RBPJ: variants seen among roughly 807,000 people sequenced by gnomAD.
RBPJ encodes the protein recombination signal binding protein for immunoglobulin kappa J region.
Under a neutral mutation model 67.8 loss-of-function variants are expected in RBPJ, and 9 were observed. The ratio of observed to expected loss-of-function variants is 0.13; its 90% confidence interval spans 0.08 to 0.23. RBPJ has a LOEUF of 0.23. Ranked by LOEUF, RBPJ falls within the 10% of genes least tolerant of loss-of-function variation. RBPJ has a pLI of 1.00. For missense variants in RBPJ, 305 were observed against 595.6 expected (o/e 0.51, Z 5.08); for synonymous variants, 198 against 203.3 (o/e 0.97, Z 0.22).
chr4:26,257,195 A>G (rs930674626), intron 1 of RBPJ, among the ~76,000 whole-genome samples: 1 of 152,254 alleles, frequency 6.6e-6, no homozygotes. Flanking sequence ...GGTAGGTAAT[A>G]ATAACAATCA....
intron 7 of RBPJ, chr4:26,425,101 TG>T (rs930618588): frequency 7.1e-6 from 2 of 279,956 alleles, no homozygotes; most frequent in Non-Finnish European, 1.3e-5. Flanking sequence ...TTCATTTTTT[TG>T]TGGTACCTGC....
At chr4:26,249,418 A>G (rs1720025396) in intron 1 of RBPJ, among the ~76,000 whole-genome samples, 1 of 152,092 alleles carries the variant, frequency 6.6e-6, no homozygotes, top group East Asian at 1.9e-4. Context: ...CCAGCACTTT[A>G]TGAGGCTGAG....
chr4:26,238,618 C>T (rs985554142), intron 1 of RBPJ, among the ~76,000 whole-genome samples: 3 of 152,150 alleles, frequency 2.0e-5, no homozygotes, highest in African/African-American at 7.2e-5. Flanking sequence ...GTGTGTGCAC[C>T]TTCCCCTCTG....
At position 26,386,366 on chromosome 4, in the gene RBPJ, C is replaced by T. The variant is rs1476504593; in HGVS notation, c.34C>T (p.Arg12Trp). 4 of 1,598,244 alleles carry T rather than the reference C, an allele frequency of 2.5e-6. No individual in the cohort carries two copies. The highest frequency in any genetic ancestry group is 3.4e-6 in the Non-Finnish European group (4 of 1,172,290). Residue 12 changes from arginine (R) to tryptophan (W), a missense_variant, in exon 2 of 11, where the codon CGG becomes TGG. Transcript: ENST00000355476. ...APVVTGKFGE[R>W]PPPKRLTREA... ...TTTTTTTTCCAGGAAATTTGGTGAG[C>T]GGCCTCCACCTAAACGACTTACTAG...
chr4:26,167,638 G>C (rs1444286022), intron 1 of RBPJ, among the ~76,000 whole-genome samples: 1 of 137,082 alleles, frequency 7.3e-6, no homozygotes, highest in South Asian at 2.8e-4. Context: ...GGGTTTTCTA[G>C]ATATACAATC....
chr4:26,155,294 ATCT>A, the RBPJ span, among the ~76,000 whole-genome samples: 1 of 152,176 alleles, frequency 6.6e-6, no homozygotes, highest in Non-Finnish European at 1.5e-5. Context: ...CGCCATTTCC[ATCT>A]TCTTCTTAGC....
chr4:26,321,595 TGTC>T (rs2109324086), intron 1 of RBPJ: 1 of 152,922 alleles, frequency 6.5e-6, no homozygotes, highest in East Asian at 1.9e-4. Context: ...GCCACACTCT[TGTC>T]GTTAGCCCAG....
At chr4:26,323,186 C>T (rs746869665) in intron 1 of RBPJ, among the ~76,000 whole-genome samples, 18 of 152,044 alleles carry the variant, frequency 1.2e-4, no homozygotes, top group African/African-American at 3.6e-4. Flanking sequence ...CAGTCTGGGT[C>T]GCTTGAGTGG....
At chr4:26,186,019 G>C (rs779261356) in intron 1 of RBPJ, among the ~76,000 whole-genome samples, 1 of 152,056 alleles carries the variant, frequency 6.6e-6, no homozygotes, top group East Asian at 1.9e-4. Flanking sequence ...GCACTCCAGC[G>C]TAGGCGACAA....
rs1275130335 is a variant in RBPJ at position 26,270,397 on chromosome 4, GAAAGAAAGAAAGAAAGAAAGAAAGAA to G, written c.-166-92047_-166-92022del. On this transcript the variant is annotated intron_variant, in intron 1 of 4. Coordinates refer to the RBPJ transcript ENST00000512351. ...AGAAAGAAAGAAAGAAAGAAAGAAAGAAAGAAAGAAAGAAAGAAAGAAAGAAAGAAAGAAAGAAAGAAGAAAGAAAG... is the reference window on the plus strand; with the variant it reads ...AGAAAGAAAGAAAGAAAGAAAGAAAGAGAAAGAAAGAAAGAAGAAAGAAAG... 3.7e-3 allele frequency among the ~76,000 whole-genome samples: 227 copies of G among 61,204 alleles called. 9 individuals carry two copies. Among genetic ancestry groups the G allele is most frequent in the African/African-American group, 0.01 (209 of 20,148 alleles). The allele number at this position is 61,204 out of a possible 152,430, so 40.2% of individuals were successfully genotyped here.
intron 2 of RBPJ, among the ~76,000 whole-genome samples, chr4:26,399,823 C>T (rs562088765): frequency 5.9e-5 from 9 of 152,030 alleles, no homozygotes; most frequent in East Asian, 5.8e-4. Context: ...AGACTATAGG[C>T]GCGTGCCACC....
chr4:26,400,072 C>A (rs1732613029), intron 2 of RBPJ, among the ~76,000 whole-genome samples: 1 of 152,024 alleles, frequency 6.6e-6, no homozygotes, highest in Admixed American at 6.5e-5. Flanking sequence ...TTCAAAAAAA[C>A]AGTTCAATAA....
At chr4:26,289,223 C>A (rs375203868) in intron 1 of RBPJ, among the ~76,000 whole-genome samples, 13 of 148,804 alleles carry the variant, frequency 8.7e-5, no homozygotes, top group African/African-American at 2.7e-4. Context: ...ATAGTGAAAC[C>A]CCATCTCTAC....
At chr4:26,215,680 G>T (rs1718700728) in intron 1 of RBPJ, among the ~76,000 whole-genome samples, 1 of 152,056 alleles carries the variant, frequency 6.6e-6, no homozygotes, top group Admixed American at 6.6e-5. Flanking sequence ...ACGAAAACAG[G>T]GTGGCAGATC....
intron 1 of RBPJ, among the ~76,000 whole-genome samples, chr4:26,241,798 C>T (rs1031265605): frequency 1.3e-5 from 2 of 152,072 alleles, no homozygotes; most frequent in African/African-American, 2.4e-5. Context: ...AGGTGTGAGC[C>T]GCTAAGCCTG....
At chr4:26,319,698 T>A, upstream of RBPJ, 1 of 695,012 alleles carries the variant, frequency 1.4e-6, no homozygotes, top group Non-Finnish European at 2.7e-6. Flanking sequence ...AGCGTGAGAC[T>A]GGACTGCCCG....
At chr4:26,420,458 A>G in intron 4 of RBPJ, 93 bp from the exon 5 acceptor site, 1 of 770,292 alleles carries the variant, frequency 1.3e-6, no homozygotes. Context: ...GAATTGTTTT[A>G]CTTATTACTT....
chr4:26,287,062 C>T (rs1264579069), intron 1 of RBPJ, among the ~76,000 whole-genome samples: 1 of 152,144 alleles, frequency 6.6e-6, no homozygotes, highest in African/African-American at 2.4e-5. Context: ...GCTGGGATTA[C>T]AGGCGTGAGC....
chr4:26,186,263 C>T (rs1411720731), intron 1 of RBPJ, among the ~76,000 whole-genome samples: 1 of 149,944 alleles, frequency 6.7e-6, no homozygotes, highest in East Asian at 2.0e-4. Context: ...AGCTGTGTGA[C>T]CTTTAGCATG....
Sources: allele counts gnomAD v4.1 joint callset (sites outside exome capture counted in the v4.1 genomes callset), GRCh38; gene constraint gnomAD v4.1.1; transcripts MANE v1.5; gene names NCBI Gene and HGNC (gene_info 2026-07-23, HGNC 2026-07-21).